The following ROS1 variants were observed in gnomAD, a reference collection of about 807,000 sequenced individuals.
ROS1 encodes ROS proto-oncogene 1, receptor tyrosine kinase, also known as proto-oncogene tyrosine-protein kinase ROS.
ROS1 carries 263 observed loss-of-function variants against 273.5 expected under a neutral mutation model. The ratio of observed to expected loss-of-function variants is 0.96; its 90% CI spans 0.87 to 1.06. The LOEUF is 1.06. ROS1 is among the 50% of genes least tolerant of loss of function. ROS1 has a pLI of 0.00. For synonymous variants in ROS1, 1,008 were observed against 954.1 expected (o/e 1.06, Z -1.04); for missense variants, 2,833 against 2,751.1 (o/e 1.03, Z -0.67).
intron 32 of ROS1, among the ~76,000 whole-genome samples, chr6:117,330,674 G>A (rs1777014362): frequency 6.6e-6 from 1 of 152,176 alleles, no homozygotes; most frequent in Non-Finnish European, 1.5e-5. Context: ...AGGCGTGGGA[G>A]CAAATCAGAT....
chr6:117,394,030 C>T (rs569164106), intron 11 of ROS1, 132 bp downstream of exon 11: 1 of 523,172 alleles, frequency 1.9e-6, no homozygotes, highest in Non-Finnish European at 3.2e-6. Flanking sequence ...TCATTGATAA[C>T]CTAGTATCTA....
intron 17 of ROS1, among the ~76,000 whole-genome samples, chr6:117,380,678 G>A (rs1772054556): frequency 6.6e-6 from 1 of 152,032 alleles, no homozygotes; most frequent in Admixed American, 6.6e-5. Flanking sequence ...CAGGTGTTGA[G>A]TCATCATCCC....
intron 5 of ROS1, among the ~76,000 whole-genome samples, chr6:117,405,402 A>G (rs1267981790): frequency 6.6e-6 from 1 of 152,200 alleles, no homozygotes; most frequent in Non-Finnish European, 1.5e-5. Flanking sequence ...ATTTTTGACT[A>G]TTATAACTGA....
At chr6:117,421,800 C>T (rs1160429906) in intron 1 of ROS1, among the ~76,000 whole-genome samples, 2 of 151,890 alleles carry the variant, frequency 1.3e-5, no homozygotes, top group Admixed American at 1.3e-4. Context: ...CACTTTTTGG[C>T]TTTGCAGTTA....
At chr6:117,308,117 C>A (rs975339409) in intron 42 of ROS1, among the ~76,000 whole-genome samples, 2 of 152,096 alleles carry the variant, frequency 1.3e-5, no homozygotes, top group African/African-American at 2.4e-5. Context: ...GTTGTCAAGA[C>A]TTAATATTTC....
intron 29 of ROS1, 59 bp from the exon 30 acceptor site, chr6:117,341,691 A>G: frequency 7.6e-7 from 1 of 1,319,472 alleles, no homozygotes. Context: ...AGATGGAAAG[A>G]AGTAATGGAG....
At chr6:117,392,545 T>C (rs1773150729) in intron 12 of ROS1, among the ~76,000 whole-genome samples, 1 of 152,230 alleles carries the variant, frequency 6.6e-6, no homozygotes, top group Non-Finnish European at 1.5e-5. Context: ...ACAAAATACA[T>C]GCACAATAAA....
At chr6:117,414,477 AC>A in intron 4 of ROS1, 41 bp downstream of exon 4, 1 of 739,422 alleles carries the variant, frequency 1.4e-6, no homozygotes, top group South Asian at 1.5e-5. Context: ...AGAGATGAAG[AC>A]ATGTGGCTTG....
At chr6:117,326,196 T>A (rs79589222) in intron 34 of ROS1, 28 bp downstream of exon 34, 1 of 1,437,812 alleles carries the variant, frequency 7.0e-7, no homozygotes. Context: ...GGTAATAAGC[T>A]AGTGTGTAGA....
chr6:117,344,221 T>C lies in ROS1; in HGVS notation c.4345A>G (p.Thr1449Ala), dbSNP rs767620506. Residue 1449 changes from threonine (T) to alanine (A), a missense_variant, in exon 28 of 44, where the codon ACT becomes GCT. Thr to Ala is a moderately conservative substitution (Grantham distance 58). Transcript: ENST00000368507. ...LSLASDTVEP[T>A]ILNATNTSLT... ...CTAGTGTTAGTGGCATTAAGTATAG[T>C]TGGTTCCACAGTGTCTGAAGCTAGA... 6.2e-7 allele frequency: 1 copy of C among 1,614,030 alleles called. No homozygotes were observed. The highest frequency in any genetic ancestry group is 1.7e-5 in the Admixed American group (1 of 59,996).
chr6:117,389,552 T>C lies in ROS1; in HGVS notation c.1584A>G (p.Gln528=), dbSNP rs759833728. The change falls in exon 13 of 44, where the codon CAA becomes CAG. Residue 528 remains glutamine, a synonymous_variant. Coordinates refer to ENST00000368507, the MANE Select transcript of ROS1 (RefSeq NM_001378902.1). ...ATTCATTAAAAGACAAAGCATCCTG[T>C]TGGAAAATGACCTTGCCATCTGTGA... ...FLVTDGKVIF[Q]QDALSFNEFI... is the part of the protein sequence containing the mutation. The C allele has an allele frequency of 6.8e-6, 11 of 1,614,202 alleles. No individual in the cohort carries two copies. In the South Asian group the frequency reaches 8.8e-5, roughly 13 times the overall value.
intron 18 of ROS1, among the ~76,000 whole-genome samples, chr6:117,377,403 G>A (rs1419375656): frequency 6.6e-6 from 1 of 152,000 alleles, no homozygotes; most frequent in Non-Finnish European, 1.5e-5. Flanking sequence ...GAGCCACCAC[G>A]CCCGGCCCAA....
chr6:117,348,477 T>A (rs1778551090), intron 27 of ROS1, among the ~76,000 whole-genome samples: 1 of 151,986 alleles, frequency 6.6e-6, no homozygotes. Flanking sequence ...ACTCTCTTTT[T>A]TTCTTAGCCT....
intron 27 of ROS1, among the ~76,000 whole-genome samples, chr6:117,350,411 T>G (rs923767905): frequency 1.1e-3 from 162 of 151,918 alleles, no homozygotes; most frequent in African/African-American, 3.8e-3. Context: ...CTTTCAGAAT[T>G]TTTTTTCTTT....
chr6:117,296,845 T>C (rs964751237), intron 43 of ROS1, among the ~76,000 whole-genome samples: 68 of 152,088 alleles, frequency 4.5e-4, no homozygotes, highest in Non-Finnish European at 4.0e-4. Flanking sequence ...GCTTGAGGGG[T>C]GGATACTCCA....
intron 27 of ROS1, among the ~76,000 whole-genome samples, chr6:117,350,238 A>G (rs572873931): frequency 1.3e-5 from 2 of 152,164 alleles, no homozygotes; most frequent in Admixed American, 1.3e-4. Context: ...TCTCTTTTGA[A>G]GGATAATTTC....
At chr6:117,384,648 A>G (rs1245226541) in intron 16 of ROS1, among the ~76,000 whole-genome samples, 1 of 152,304 alleles carries the variant, frequency 6.6e-6, no homozygotes, top group Admixed American at 6.5e-5. Context: ...TCTTCAAAAT[A>G]TATCACTCCA....
chr6:117,419,437 G>C (rs1381743377), intron 1 of ROS1, among the ~76,000 whole-genome samples: 1 of 152,146 alleles, frequency 6.6e-6, no homozygotes, highest in African/African-American at 2.4e-5. Context: ...TTAATTTGAA[G>C]CATGAGTGAG....
intron 21 of ROS1, among the ~76,000 whole-genome samples, chr6:117,364,169 G>A (rs556677779): frequency 1.8e-4 from 28 of 152,236 alleles, no homozygotes; most frequent in South Asian, 6.2e-4. Flanking sequence ...TAACTGCTCC[G>A]GAACCTGCCC....
Sources: allele counts gnomAD v4.1 joint callset (sites outside exome capture counted in the v4.1 genomes callset), GRCh38; gene constraint gnomAD v4.1.1; transcripts MANE v1.5; gene names NCBI Gene and HGNC (gene_info 2026-07-23, HGNC 2026-07-21).